Variants in ADAMTS3 observed in about 807,000 individuals in gnomAD.
ADAMTS3 encodes the protein ADAM metallopeptidase with thrombospondin type 1 motif 3.
Under a neutral mutation model 129.0 loss-of-function variants are expected in ADAMTS3, and 73 were observed. The observed-to-expected ratio is 0.57, with a 90% CI of 0.47 to 0.69. The LOEUF is 0.69. ADAMTS3 is among the 30% of genes least tolerant of loss of function. The pLI, the probability that ADAMTS3 is intolerant of heterozygous loss-of-function variation, is 0.00. For synonymous variants in ADAMTS3, 477 were observed against 510.8 expected (o/e 0.93, Z 0.89); for missense variants, 1,457 against 1,514.5 (o/e 0.96, Z 0.63).
At chr4:72,415,868 A>C (rs2109927527) in intron 3 of ADAMTS3, among the ~76,000 whole-genome samples, 1 of 152,164 alleles carries the variant, frequency 6.6e-6, no homozygotes, top group East Asian at 1.9e-4. Context: ...AATAATACGA[A>C]ATATTAATTT....
In ADAMTS3 at chr4:72,314,684, T is replaced by A. The variant is rs915194682; in HGVS notation, c.1600-862A>T. Among the ~76,000 whole-genome samples the A allele has an allele frequency of 2.0e-5, 3 of 152,326 alleles. No individual in the cohort carries two copies. The South Asian group carries it at 6.2e-4, about 32-fold the overall frequency. Reference sequence around the variant, plus strand: ...GCAAAAATGAATTAACTCGTTATACTCTTGTTTTTAGTCAGAAGTTTATGA... The same window carrying A: ...GCAAAAATGAATTAACTCGTTATACACTTGTTTTTAGTCAGAAGTTTATGA... On this transcript the variant is annotated intron_variant, in intron 11 of 21. Coordinates refer to ENST00000286657, the MANE Select transcript of ADAMTS3 (RefSeq NM_014243.3).
At chr4:72,517,431 C>A (rs891633827) in intron 3 of ADAMTS3, among the ~76,000 whole-genome samples, 1 of 152,080 alleles carries the variant, frequency 6.6e-6, no homozygotes, top group Admixed American at 6.5e-5. Flanking sequence ...CTCCTTGTAC[C>A]TCTGGTAGAA....
chr4:72,520,822 G>T (rs183737030), intron 3 of ADAMTS3, among the ~76,000 whole-genome samples: 1 of 152,052 alleles, frequency 6.6e-6, no homozygotes, highest in South Asian at 2.1e-4. Flanking sequence ...CCCTTGCTTC[G>T]GCTCGCGCAT....
At chr4:72,420,010 G>T (rs550285563) in intron 3 of ADAMTS3, among the ~76,000 whole-genome samples, 165 of 152,206 alleles carry the variant, frequency 1.1e-3, no homozygotes, top group African/African-American at 3.9e-3. Flanking sequence ...AGCAAAAGTG[G>T]CAATGGGAAG....
rs559171474 is a variant in ADAMTS3, at chr4:72,433,377, T to C, written c.505-18406A>G. Among the ~76,000 whole-genome samples, 14 of 152,028 alleles carry C rather than the reference T, an allele frequency of 9.2e-5. 1 individual carries two copies. The East Asian group carries it at 2.0e-3, about 21-fold the overall frequency. Reference sequence around the variant, plus strand: ...CATATTCTTGTTCTGAGATGCATTATCAAATATGTAACATTCTAAAGAAAG... The same window carrying C: ...CATATTCTTGTTCTGAGATGCATTACCAAATATGTAACATTCTAAAGAAAG... On this transcript the variant is annotated intron_variant, in intron 3 of 21. Transcript: ENST00000286657.
rs1326541163 is a variant in ADAMTS3, at chr4:72,555,648, CA to C, written c.98-6765del. Among the ~76,000 whole-genome samples, 27 of 151,836 alleles carry C rather than the reference CA, an allele frequency of 1.8e-4. 2 individuals carry two copies. Among genetic ancestry groups the C allele is most frequent in the African/African-American group, 6.6e-4 (27 of 41,186 alleles). On this transcript the variant is annotated intron_variant, in intron 2 of 21. Transcript: ENST00000286657. ...TTCAGAAACTATAAGATCTTTGGGT[CA>C]GAAATATAATATCTTAACTATGTTT...
chr4:72,420,430 T>G (rs1383525505), intron 3 of ADAMTS3, among the ~76,000 whole-genome samples: 2 of 152,186 alleles, frequency 1.3e-5, no homozygotes, highest in African/African-American at 2.4e-5. Context: ...TTTAAGTCCT[T>G]GCTTAGGTGT....
chr4:72,563,603 G>T (rs1401148), intron 2 of ADAMTS3, among the ~76,000 whole-genome samples: 146,773 of 152,206 alleles, frequency 0.96, 71,005 homozygotes, highest in East Asian at 1. Context: ...TACAAAAAAT[G>T]ATAGGCCTAG....
At chr4:72,480,477 T>C (rs1204358911) in intron 3 of ADAMTS3, among the ~76,000 whole-genome samples, 1 of 150,728 alleles carries the variant, frequency 6.6e-6, no homozygotes, top group Non-Finnish European at 1.5e-5. Context: ...TTCTCAATCA[T>C]AGATGGGAAT....
intron 3 of ADAMTS3, among the ~76,000 whole-genome samples, chr4:72,523,518 C>T (rs1222689072): frequency 1.3e-5 from 2 of 151,998 alleles, no homozygotes; most frequent in African/African-American, 4.8e-5. Flanking sequence ...TTATTGTCTG[C>T]CCAGCATAAC....
rs1719171755 is a variant in ADAMTS3, at chr4:72,309,426, C to T, written c.2150G>A (p.Gly717Glu). ...CTTCCTGGGAGTTCTGGTAAATGTC[C>T]CCTTCACGGTTCGGCAGTGGGAATT... is the stretch of plus-strand genomic sequence containing the variant. ...GDNSHCRTVKGTFTRTPRKLG... is the reference protein window; with the variant it reads ...GDNSHCRTVKETFTRTPRKLG... The change falls in exon 15 of 22, where the codon GGG (glycine) becomes GAG (glutamate). Residue 717 changes from glycine (G) to glutamate (E), a missense_variant. Physicochemically the swap from Gly to Glu is moderately conservative, Grantham distance 98 (BLOSUM62 -2). Coordinates refer to ENST00000286657, the MANE Select transcript of ADAMTS3 (RefSeq NM_014243.3). The T allele has an allele frequency of 1.2e-6, 2 of 1,611,832 alleles. No individual in the cohort carries two copies. The highest frequency in any genetic ancestry group is 3.3e-5 in the Admixed American group (2 of 59,856).
At chr4:72,427,689 A>G (rs764510492) in intron 3 of ADAMTS3, among the ~76,000 whole-genome samples, 1 of 152,090 alleles carries the variant, frequency 6.6e-6, no homozygotes, top group Admixed American at 6.6e-5. Context: ...ATCAATCTCT[A>G]TGTTCCAAAT....
At chr4:72,383,898 T>G (rs1560495089) in intron 4 of ADAMTS3, among the ~76,000 whole-genome samples, 1 of 152,086 alleles carries the variant, frequency 6.6e-6, no homozygotes, top group East Asian at 1.9e-4. Context: ...TGCAAAATTA[T>G]AAATTCTTCA....
intron 2 of ADAMTS3, among the ~76,000 whole-genome samples, chr4:72,552,595 A>T (rs1254444863): frequency 6.6e-6 from 1 of 152,146 alleles, no homozygotes; most frequent in Non-Finnish European, 1.5e-5. Flanking sequence ...AGAATAATTA[A>T]AGTGTCAAAT....
At chr4:72,329,588 A>G (rs919691051) in intron 5 of ADAMTS3, among the ~76,000 whole-genome samples, 7 of 152,074 alleles carry the variant, frequency 4.6e-5, no homozygotes, top group Non-Finnish European at 7.4e-5. Context: ...ACCTTGCTCT[A>G]TGTTGTGTTT....
intron 2 of ADAMTS3, among the ~76,000 whole-genome samples, chr4:72,561,906 A>G (rs1721913527): frequency 6.6e-6 from 1 of 152,194 alleles, no homozygotes; most frequent in South Asian, 2.1e-4. Context: ...TCTCCTAGGG[A>G]TTTACAGTTA....
intron 4 of ADAMTS3, among the ~76,000 whole-genome samples, chr4:72,358,758 G>A (rs1720646205): frequency 6.6e-6 from 1 of 151,954 alleles, no homozygotes; most frequent in South Asian, 2.1e-4. Flanking sequence ...AATTATGTAT[G>A]TAAAATGATT....
intron 3 of ADAMTS3, among the ~76,000 whole-genome samples, chr4:72,493,297 T>G (rs1719793552): frequency 6.6e-6 from 1 of 151,990 alleles, no homozygotes; most frequent in African/African-American, 2.4e-5. Flanking sequence ...TGGTTTTGTC[T>G]GTCTCATCCT....
chr4:72,475,604 A>G (rs1271903866), intron 3 of ADAMTS3, among the ~76,000 whole-genome samples: 1 of 152,062 alleles, frequency 6.6e-6, no homozygotes, highest in Non-Finnish European at 1.5e-5. Flanking sequence ...AAACAGCTAG[A>G]CAAAAAATTA....
Sources: gnomAD v4.1 joint callset for allele counts (sites outside exome capture counted in the v4.1 genomes callset) on GRCh38, gnomAD v4.1.1 for gene constraint, MANE v1.5 for transcripts, NCBI Gene and HGNC (gene_info 2026-07-23, HGNC 2026-07-21) for gene names.